The following EFNA5 variants were observed in gnomAD, a reference collection of about 807,000 sequenced individuals.
EFNA5 encodes ephrin-A5.
EFNA5 carries 5 observed loss-of-function variants against 22.9 expected under a neutral mutation model. The ratio of observed to expected loss-of-function variants is 0.22; its 90% confidence interval spans 0.11 to 0.46. EFNA5 has a LOEUF of 0.46. Ranked by LOEUF, EFNA5 falls within the 20% of genes least tolerant of loss-of-function variation. The probability of loss-of-function intolerance (pLI) is 0.99; values close to 1 mark genes in which losing one functional copy is unlikely to be tolerated. For synonymous variants in EFNA5, 113 were observed against 112.2 expected (o/e 1.01, Z -0.04); for missense variants, 237 against 293.3 (o/e 0.81, Z 1.40).
chr5:107,477,001 A>G (rs1329411666), intron 1 of EFNA5, among the ~76,000 whole-genome samples: 3 of 152,176 alleles, frequency 2.0e-5, no homozygotes, highest in African/African-American at 7.2e-5. Context: ...TTTAGTGTCT[A>G]TTTGCTGAGC....
intron 1 of EFNA5, among the ~76,000 whole-genome samples, chr5:107,486,589 A>G (rs1181014659): frequency 6.6e-6 from 1 of 152,146 alleles, no homozygotes; most frequent in East Asian, 1.9e-4. Flanking sequence ...ATACCTCTCT[A>G]CTACCTTAGA....
chr5:107,488,764 T>C (rs1047968457), intron 1 of EFNA5, among the ~76,000 whole-genome samples: 1 of 152,164 alleles, frequency 6.6e-6, no homozygotes, highest in Non-Finnish European at 1.5e-5. Context: ...CGATCTCAAA[T>C]CACTGCAACC....
chr5:107,504,485 T>C (rs1377817544), intron 1 of EFNA5, among the ~76,000 whole-genome samples: 1 of 152,186 alleles, frequency 6.6e-6, no homozygotes, highest in East Asian at 1.9e-4. Context: ...CTCTCTTCTT[T>C]TATAGAAATA....
rs921303816 is a variant in EFNA5 at position 107,390,363 on chromosome 5, T to G, written c.419-2592A>C. ...AAAAATACAGATAATTAATTATTAG[T>G]ACTATTTGAAGACATAAGGTAATAT... On this transcript the variant is annotated intron_variant, in intron 2 of 4. Coordinates refer to ENST00000333274, the MANE Select transcript of EFNA5 (RefSeq NM_001962.3). Among the ~76,000 whole-genome samples the G allele has an allele frequency of 2.0e-5, 3 of 152,214 alleles. 1 individual carries two copies. Among genetic ancestry groups the G allele is most frequent in the Admixed American group, 2.0e-4 (3 of 15,282 alleles).
Position 107,482,035 on chromosome 5 carries a change from C to T in EFNA5, c.126-54526G>A, listed in dbSNP as rs1007775951. ...TACATAAAAATAAATGCTGGCTGGG[C>T]GTAGTGGCTCATGCCTATAATCCCA... On this transcript the variant is annotated intron_variant, in intron 1 of 4. Coordinates refer to ENST00000333274, the MANE Select transcript of EFNA5 (RefSeq NM_001962.3). 9.2e-5 allele frequency among the ~76,000 whole-genome samples: 14 copies of T among 151,676 alleles called. 1 individual carries two copies. The South Asian group carries it at 2.5e-3, about 27-fold the overall frequency.
At chr5:107,598,770 T>A (rs1343169699) in intron 1 of EFNA5, among the ~76,000 whole-genome samples, 1 of 152,190 alleles carries the variant, frequency 6.6e-6, no homozygotes, top group East Asian at 1.9e-4. Flanking sequence ...CAATACAACA[T>A]TTTTTCATGC....
chr5:107,594,789 A>T (rs574297064), intron 1 of EFNA5, among the ~76,000 whole-genome samples: 18 of 152,136 alleles, frequency 1.2e-4, no homozygotes, highest in Non-Finnish European at 2.1e-4. Context: ...GTATGCACTG[A>T]CCAGCACCGG....
At position 107,538,187 on chromosome 5, in the gene EFNA5, G is replaced by A. The variant is rs557294661; in HGVS notation, c.126-110678C>T. Among the ~76,000 whole-genome samples, 32 of 152,298 alleles carry A rather than the reference G, an allele frequency of 2.1e-4. No individual in the cohort carries two copies. The South Asian group carries it at 4.8e-3, about 23-fold the overall frequency. On this transcript the variant is annotated intron_variant, in intron 1 of 4. Transcript: ENST00000333274. ...TGCATCTCCAATTTTCATTTAGTAC[G>A]TAGTTTGAGGCCAAGAGGAGTTCAC...
chr5:107,573,186 C>G (rs1022164361), intron 1 of EFNA5, among the ~76,000 whole-genome samples: 33 of 152,136 alleles, frequency 2.2e-4, no homozygotes, highest in South Asian at 6.2e-4. Context: ...ACCTCAATCT[C>G]ATGTCTGTTC....
intron 1 of EFNA5, among the ~76,000 whole-genome samples, chr5:107,512,749 C>G (rs554313598): frequency 6.6e-6 from 1 of 152,222 alleles, no homozygotes; most frequent in East Asian, 1.9e-4. Context: ...GCTAACCACT[C>G]TTTCTGAGTA....
At chr5:107,406,767 T>C (rs1330357543) in intron 2 of EFNA5, among the ~76,000 whole-genome samples, 3 of 152,218 alleles carry the variant, frequency 2.0e-5, no homozygotes, top group Non-Finnish European at 2.9e-5. Context: ...GGCCATTGCC[T>C]ATTTTTTTCT....
intron 2 of EFNA5, among the ~76,000 whole-genome samples, chr5:107,426,710 A>C (rs555571548): frequency 1.3e-5 from 2 of 152,310 alleles, no homozygotes; most frequent in South Asian, 4.2e-4. Context: ...TTCCTGTTTA[A>C]AGACAGAGCT....
intron 1 of EFNA5, among the ~76,000 whole-genome samples, chr5:107,528,989 A>G (rs1747754723): frequency 6.6e-6 from 1 of 152,172 alleles, no homozygotes; most frequent in Non-Finnish European, 1.5e-5. Flanking sequence ...TCAATTATGT[A>G]TATATGTTTG....
chr5:107,393,584 G>T (rs1049073466), intron 2 of EFNA5, among the ~76,000 whole-genome samples: 1 of 152,164 alleles, frequency 6.6e-6, no homozygotes, highest in Non-Finnish European at 1.5e-5. Context: ...ATGAGTGTGT[G>T]GGGGAGCGTT....
chr5:107,615,469 G>A (rs541035665), intron 1 of EFNA5, among the ~76,000 whole-genome samples: 40 of 152,226 alleles, frequency 2.6e-4, no homozygotes, highest in African/African-American at 8.9e-4. Flanking sequence ...GTTAAAATGC[G>A]CACTTACAGT....
At chr5:107,571,537 CTCT>C (rs1464441652) in intron 1 of EFNA5, among the ~76,000 whole-genome samples, 1 of 123,016 alleles carries the variant, frequency 8.1e-6, no homozygotes, top group Admixed American at 8.2e-5. Context: ...AAGGGTCATC[CTCT>C]TTTTTTTTTT....
At chr5:107,421,788 C>G (rs1748674910) in intron 2 of EFNA5, among the ~76,000 whole-genome samples, 1 of 140,420 alleles carries the variant, frequency 7.1e-6, no homozygotes, top group Non-Finnish European at 1.6e-5. Context: ...CTCCTCATTT[C>G]TTTCTTTCTT....
intron 2 of EFNA5, among the ~76,000 whole-genome samples, chr5:107,421,997 G>C (rs892351226): frequency 6.6e-6 from 1 of 152,034 alleles, no homozygotes; most frequent in African/African-American, 2.4e-5. Flanking sequence ...CTCCATGTTG[G>C]TCAGGCTGGT....
At chr5:107,450,808 T>A (rs2112445979) in intron 1 of EFNA5, among the ~76,000 whole-genome samples, 1 of 152,258 alleles carries the variant, frequency 6.6e-6, no homozygotes, top group East Asian at 1.9e-4. Flanking sequence ...GATATGAGAG[T>A]TATGCTTATG....
Sources: gnomAD v4.1 joint callset for allele counts (sites outside exome capture counted in the v4.1 genomes callset) on GRCh38, gnomAD v4.1.1 for gene constraint, MANE v1.5 for transcripts, NCBI Gene and HGNC (gene_info 2026-07-23, HGNC 2026-07-21) for gene names.